Variants in BRAF observed in about 807,000 individuals in gnomAD.
BRAF encodes the protein B-Raf proto-oncogene, serine/threonine kinase.
A neutral mutation model predicts 104.6 loss-of-function variants in BRAF; 16 were observed. The observed-to-expected ratio is 0.15, with a 90% CI of 0.10 to 0.23. The LOEUF (loss-of-function observed/expected upper bound fraction) is 0.23. BRAF is among the 10% of genes least tolerant of loss of function. The pLI, the probability that BRAF is intolerant of heterozygous loss-of-function variation, is 1.00. For synonymous variants in BRAF, 310 were observed against 341.6 expected (o/e 0.91, Z 1.02); for missense variants, 541 against 937.3 (o/e 0.58, Z 5.52).
At chr7:140,878,376 T>C (rs2129100714) in intron 1 of BRAF, among the ~76,000 whole-genome samples, 1 of 152,170 alleles carries the variant, frequency 6.6e-6, no homozygotes, top group South Asian at 2.1e-4. Context: ...TTCTTAGATA[T>C]GACACCAAAA....
intron 14 of BRAF, among the ~76,000 whole-genome samples, chr7:140,762,635 T>C (rs1319657402): frequency 2.0e-5 from 3 of 149,192 alleles, no homozygotes; most frequent in South Asian, 4.3e-4. Context: ...TAATTGATCA[T>C]TCTTGGGTGT....
At chr7:140,812,225 C>T (rs1016155332) in intron 3 of BRAF, among the ~76,000 whole-genome samples, 1 of 147,282 alleles carries the variant, frequency 6.8e-6, no homozygotes, top group African/African-American at 2.6e-5. Flanking sequence ...AGAAAGACTT[C>T]TGAGAATCTA....
intron 19 of BRAF, chr7:140,731,966 T>C (rs1318305112): frequency 6.7e-6 from 1 of 150,230 alleles, no homozygotes; most frequent in Non-Finnish European, 1.5e-5. Context: ...GGTCAGGAGA[T>C]CGAGACCATC....
chr7:140,714,015 C>T, the BRAF span, among the ~76,000 whole-genome samples: 3 of 152,170 alleles, frequency 2.0e-5, no homozygotes, highest in Admixed American at 6.5e-5. Context: ...TCAGTCCGCC[C>T]GTACTGGGGG....
intron 17 of BRAF, among the ~76,000 whole-genome samples, chr7:140,744,903 A>G (rs1797231014): frequency 6.6e-6 from 1 of 152,176 alleles, no homozygotes; most frequent in Non-Finnish European, 1.5e-5. Flanking sequence ...TCAGAGCTTG[A>G]AGTCACAATT....
At chr7:140,735,476 G>T (rs1231335299) in intron 18 of BRAF, among the ~76,000 whole-genome samples, 2 of 152,192 alleles carry the variant, frequency 1.3e-5, no homozygotes, top group Admixed American at 1.3e-4. Context: ...AAAGGGCTTG[G>T]CATAATGCCT....
intron 1 of BRAF, among the ~76,000 whole-genome samples, chr7:140,864,685 A>C (rs1229769461): frequency 1.3e-5 from 2 of 152,254 alleles, no homozygotes; most frequent in Non-Finnish European, 2.9e-5. Context: ...GGAACACATA[A>C]TAGTGGCTAG....
chr7:140,759,175 C>T (rs1175952726), intron 14 of BRAF, among the ~76,000 whole-genome samples: 1 of 152,200 alleles, frequency 6.6e-6, no homozygotes, highest in Non-Finnish European at 1.5e-5. Context: ...ATGCTGTATT[C>T]ATATACAAGT....
chr7:140,745,796 T>G (rs892847920), intron 17 of BRAF, among the ~76,000 whole-genome samples: 2 of 152,240 alleles, frequency 1.3e-5, no homozygotes, highest in African/African-American at 4.8e-5. Flanking sequence ...ATTGAAAACA[T>G]TTTCTATTAA....
At chr7:140,787,255 C>T (rs1042253765) in intron 9 of BRAF, among the ~76,000 whole-genome samples, 11 of 144,008 alleles carry the variant, frequency 7.6e-5, no homozygotes, top group East Asian at 6.4e-4. Flanking sequence ...GAGCCGAGAT[C>T]GCGCCACTGC....
chr7:140,809,841 G>A (rs547321612), intron 3 of BRAF, among the ~76,000 whole-genome samples: 1 of 152,110 alleles, frequency 6.6e-6, no homozygotes, highest in African/African-American at 2.4e-5. Context: ...GACATGGGAA[G>A]AGAGAGACAG....
At chr7:140,729,277 T>C (rs943203970) in intron 19 of BRAF, among the ~76,000 whole-genome samples, 1 of 152,062 alleles carries the variant, frequency 6.6e-6, no homozygotes, top group Non-Finnish European at 1.5e-5. Context: ...TTCAGATGTT[T>C]CCTGTTCATT....
At chr7:140,918,955 C>A (rs545539713) in intron 1 of BRAF, among the ~76,000 whole-genome samples, 1 of 151,802 alleles carries the variant, frequency 6.6e-6, no homozygotes, top group East Asian at 1.9e-4. Context: ...CTGGCCAACA[C>A]GGTGAAACCC....
intron 1 of BRAF, among the ~76,000 whole-genome samples, chr7:140,918,887 C>A (rs1817902015): frequency 6.6e-6 from 1 of 151,872 alleles, no homozygotes; most frequent in Non-Finnish European, 1.5e-5. Context: ...CGCCTGTAAT[C>A]CCAGCACTTT....
intron 3 of BRAF, chr7:140,822,526 A>G (rs971080482): frequency 2.6e-5 from 4 of 152,236 alleles, no homozygotes; most frequent in African/African-American, 9.6e-5. Context: ...TGTAAACTGA[A>G]TTTTAAAACG....
At chr7:140,869,548 A>C (rs1481669385) in intron 1 of BRAF, among the ~76,000 whole-genome samples, 1 of 151,766 alleles carries the variant, frequency 6.6e-6, no homozygotes, top group Non-Finnish European at 1.5e-5. Flanking sequence ...CATGAGAATC[A>C]CTTGAACCTG....
intron 7 of BRAF, chr7:140,799,012 ATT>A (rs954404107): frequency 2.0e-4 from 32 of 159,306 alleles, no homozygotes; most frequent in East Asian, 1.3e-3. Context: ...TGCCCAGCTA[ATT>A]TTTTTTTTTT....
rs555060991 is a variant in BRAF at position 140,797,266 on chromosome 7, T to A, written c.981-2799A>T. On this transcript the variant is annotated intron_variant, in intron 7 of 19. Coordinates refer to ENST00000644969, the MANE Select transcript of BRAF (RefSeq NM_001374258.1). ...AGTTTTGAAAACTTTGGTCTGGTGA[T>A]ACGTACATTTTAAATGTTGACCTCT... 4.6e-5 allele frequency among the ~76,000 whole-genome samples: 7 copies of A among 152,346 alleles called. No homozygotes were observed. In the South Asian group the frequency reaches 1.2e-3, roughly 27 times the overall value.
rs556366478 is a variant in BRAF, at chr7:140,724,341, A to T, written c.*2153T>A. The T allele has an allele frequency of 1.9e-6, 2 of 1,054,692 alleles. No individual in the cohort carries two copies. The highest frequency in any genetic ancestry group is 2.3e-6 in the Non-Finnish European group (2 of 872,584). 65.3% of individuals were successfully genotyped at this position (1,054,692 alleles called of 1,614,324 possible). ...CTTGAAGCCAATCTTGGTAAAGGGA[A>T]CACAGCCACATTTAAAAGCATCTAG... is the stretch of plus-strand genomic sequence containing the variant. On this transcript the variant is annotated 3_prime_UTR_variant, in exon 20 of 20. Coordinates refer to ENST00000644969, the MANE Select transcript of BRAF (RefSeq NM_001374258.1).
Sources: gnomAD v4.1 joint callset for allele counts (sites outside exome capture counted in the v4.1 genomes callset) on GRCh38, gnomAD v4.1.1 for gene constraint, MANE v1.5 for transcripts, NCBI Gene and HGNC (gene_info 2026-07-23, HGNC 2026-07-21) for gene names.